ZNF385D: variants seen among roughly 807,000 people sequenced by gnomAD.
The protein encoded by ZNF385D is zinc finger protein 659.
In ZNF385D, 15 loss-of-function variants were observed where a neutral mutation model predicts 35.8. The ratio of observed to expected loss-of-function variants is 0.42; its 90% CI spans 0.28 to 0.64. The LOEUF (loss-of-function observed/expected upper bound fraction) is 0.64, where lower values mean the gene tolerates loss of function less well. Among genes scored for constraint, ZNF385D ranks in the 30% least tolerant of loss-of-function variants. ZNF385D has a pLI of 0.23. For missense variants in ZNF385D, 474 were observed against 494.6 expected, an observed-to-expected ratio of 0.96 and a Z score of 0.39; for synonymous variants, 212 against 186.8, an observed-to-expected ratio of 1.13 and a Z score of -1.10.
intron 3 of ZNF385D, among the ~76,000 whole-genome samples, chr3:22,062,730 G>T (rs1023119942): frequency 6.6e-6 from 1 of 152,150 alleles, no homozygotes; most frequent in African/African-American, 2.4e-5. Context: ...ATGGTTTGTG[G>T]GAGTTGGTCA....
At chr3:21,653,721 T>C (rs1293493865) in intron 2 of ZNF385D, among the ~76,000 whole-genome samples, 2 of 151,888 alleles carry the variant, frequency 1.3e-5, no homozygotes, top group African/African-American at 4.8e-5. Flanking sequence ...AAAAATCAAA[T>C]ATGTACTTAA....
At chr3:22,217,560 A>T (rs1697965860) in intron 2 of ZNF385D, among the ~76,000 whole-genome samples, 1 of 152,176 alleles carries the variant, frequency 6.6e-6, no homozygotes, top group African/African-American at 2.4e-5. Context: ...ACTTTAACAC[A>T]TGAGCTTTTA....
chr3:22,006,567 A>C (rs1429805643), intron 3 of ZNF385D, among the ~76,000 whole-genome samples: 1 of 152,116 alleles, frequency 6.6e-6, no homozygotes, highest in Non-Finnish European at 1.5e-5. Flanking sequence ...GTCGGATCAC[A>C]GATGGAAAAT....
chr3:22,244,572 T>A (rs1009817659), intron 2 of ZNF385D, among the ~76,000 whole-genome samples: 5 of 150,858 alleles, frequency 3.3e-5, no homozygotes, highest in Non-Finnish European at 5.9e-5. Flanking sequence ...ATGATTAATA[T>A]TTAATGTCCC....
At chr3:22,335,592 A>G (rs941520657) in intron 2 of ZNF385D, among the ~76,000 whole-genome samples, 1 of 152,138 alleles carries the variant, frequency 6.6e-6, no homozygotes, top group African/African-American at 2.4e-5. Flanking sequence ...TCCATGTTGT[A>G]TGTTCTCCCT....
intron 2 of ZNF385D, among the ~76,000 whole-genome samples, chr3:21,617,028 A>G (rs748017998): frequency 1.3e-5 from 2 of 152,134 alleles, no homozygotes; most frequent in Admixed American, 6.5e-5. Flanking sequence ...TGCCACTATC[A>G]CATATGTTAA....
chr3:22,269,908 A>C (rs1182648630), intron 2 of ZNF385D, among the ~76,000 whole-genome samples: 2 of 151,760 alleles, frequency 1.3e-5, no homozygotes, highest in Admixed American at 6.6e-5. Flanking sequence ...GTAATCCGCT[A>C]TTTTATCCTG....
intron 3 of ZNF385D, among the ~76,000 whole-genome samples, chr3:22,120,504 A>G (rs894047023): frequency 3.3e-5 from 5 of 152,228 alleles, no homozygotes; most frequent in Admixed American, 1.3e-4. Flanking sequence ...GGGCTTCAAC[A>G]TATCTACTTG....
At chr3:21,948,236 T>TA (rs1191491695) in intron 3 of ZNF385D, among the ~76,000 whole-genome samples, 3 of 149,510 alleles carry the variant, frequency 2.0e-5, no homozygotes, top group Non-Finnish European at 4.4e-5. Context: ...TTTTTACACT[T>TA]ACTGAAATAG....
At chr3:21,519,067 C>G (rs555881653) in intron 3 of ZNF385D, among the ~76,000 whole-genome samples, 1 of 152,098 alleles carries the variant, frequency 6.6e-6, no homozygotes, top group East Asian at 1.9e-4. Context: ...TAAATGTATT[C>G]CTGTCTTCTG....
intron 3 of ZNF385D, among the ~76,000 whole-genome samples, chr3:21,997,001 A>T (rs774700622): frequency 1.3e-5 from 2 of 152,260 alleles, no homozygotes; most frequent in East Asian, 3.9e-4. Flanking sequence ...GATTAAACCA[A>T]TGTTATTTAA....
chr3:22,086,108 C>T (rs186036783), intron 3 of ZNF385D, among the ~76,000 whole-genome samples: 16 of 152,262 alleles, frequency 1.1e-4, no homozygotes, highest in Admixed American at 5.9e-4. Context: ...ACTGCATGGG[C>T]GAAACCTGGA....
chr3:22,064,218 G>A (rs949648722), intron 3 of ZNF385D, among the ~76,000 whole-genome samples: 1 of 152,146 alleles, frequency 6.6e-6, no homozygotes, highest in Non-Finnish European at 1.5e-5. Flanking sequence ...AGTTTGCTCA[G>A]GCAATACAGG....
At chr3:21,957,614 G>T (rs78482152) in intron 3 of ZNF385D, among the ~76,000 whole-genome samples, 5,234 of 152,180 alleles carry the variant, frequency 0.034, 131 homozygotes, top group Non-Finnish European at 0.05. Flanking sequence ...GGTATTGCTT[G>T]AACTGGTGTT....
chr3:21,767,569 G>T (rs747362726), intron 3 of ZNF385D, among the ~76,000 whole-genome samples: 9 of 151,934 alleles, frequency 5.9e-5, no homozygotes, highest in South Asian at 4.2e-4. Context: ...ACATCTCCAG[G>T]ATCTCGTGAC....
At chr3:21,985,762 C>A (rs1694767682) in intron 3 of ZNF385D, among the ~76,000 whole-genome samples, 1 of 102,736 alleles carries the variant, frequency 9.7e-6, no homozygotes, top group African/African-American at 4.6e-5. Context: ...CTCCTTGTAC[C>A]TCTGGTAGAA....
At chr3:21,994,706 C>CTA (rs1320331641) in intron 3 of ZNF385D, among the ~76,000 whole-genome samples, 19 of 152,192 alleles carry the variant, frequency 1.2e-4, no homozygotes, top group African/African-American at 4.6e-4. Flanking sequence ...AGACTTCTTA[C>CTA]TATAGATGTA....
chr3:22,057,537 T>A (rs1195060970), intron 3 of ZNF385D, among the ~76,000 whole-genome samples: 3 of 149,762 alleles, frequency 2.0e-5, no homozygotes, highest in African/African-American at 7.4e-5. Context: ...TGAGACAGAG[T>A]CTCACTTTGT....
intron 3 of ZNF385D, among the ~76,000 whole-genome samples, chr3:21,512,402 A>C (rs928603305): frequency 6.6e-6 from 1 of 152,160 alleles, no homozygotes; most frequent in African/African-American, 2.4e-5. Context: ...TAAGTACTTC[A>C]CTTTGCCAAA....
Sources: allele counts gnomAD v4.1 joint callset (sites outside exome capture counted in the v4.1 genomes callset), GRCh38; gene constraint gnomAD v4.1.1; transcripts MANE v1.5; gene names NCBI Gene and HGNC (gene_info 2026-07-23, HGNC 2026-07-21).